Variants in TMEFF2 observed in about 807,000 individuals in gnomAD.
TMEFF2 encodes tomoregulin-2.
Under a neutral mutation model 53.8 loss-of-function variants are expected in TMEFF2, and 28 were observed. That is an observed-to-expected ratio of 0.52 (90% CI 0.39 to 0.71). The LOEUF (loss-of-function observed/expected upper bound fraction) is 0.71. Among genes scored for constraint, TMEFF2 ranks in the 30% least tolerant of loss-of-function variants. The probability of loss-of-function intolerance (pLI) is 0.00; values close to 1 mark genes in which losing one functional copy is unlikely to be tolerated. For missense variants in TMEFF2, 353 were observed against 455.2 expected (o/e 0.78, Z 2.04); for synonymous variants, 162 against 166.3 (o/e 0.97, Z 0.20).
intron 5 of TMEFF2, among the ~76,000 whole-genome samples, chr2:192,051,534 C>G (rs1687772851): frequency 6.6e-6 from 1 of 152,134 alleles, no homozygotes; most frequent in Admixed American, 6.5e-5. Context: ...AATAAAACCA[C>G]TTTCTGTATT....
At chr2:192,193,257 C>G (rs940374019) in intron 1 of TMEFF2, among the ~76,000 whole-genome samples, 1 of 152,168 alleles carries the variant, frequency 6.6e-6, no homozygotes, top group East Asian at 1.9e-4. Context: ...AAAACTAGAA[C>G]AGACCACACC....
At position 192,071,673 on chromosome 2, in the gene TMEFF2, C is replaced by A. The variant is rs562751764; in HGVS notation, c.440-13898G>T. Among the ~76,000 whole-genome samples the A allele has an allele frequency of 1.1e-3, 173 of 151,934 alleles. 1 individual carries two copies. The highest frequency in any genetic ancestry group is 7.3e-3 in the Admixed American group (111 of 15,212). ...GTAATTGCATATAACCTATGCACAT[C>A]CTCTCATCTACTTTAAATCATCTCT... is the stretch of plus-strand genomic sequence containing the variant. On this transcript the variant is annotated intron_variant, in intron 4 of 9. Coordinates refer to ENST00000272771, the MANE Select transcript of TMEFF2 (RefSeq NM_016192.4).
chr2:192,107,699 G>A (rs7584539), intron 4 of TMEFF2, among the ~76,000 whole-genome samples: 95,104 of 151,464 alleles, frequency 0.63, 35,015 homozygotes, highest in Non-Finnish European at 0.83. Flanking sequence ...AGACACTGAA[G>A]TCTTTGTTAG....
intron 4 of TMEFF2, among the ~76,000 whole-genome samples, chr2:192,148,262 T>C (rs1690301276): frequency 2.0e-5 from 3 of 152,058 alleles, no homozygotes; most frequent in Admixed American, 2.0e-4. Context: ...GTGTTGTTTG[T>C]TCAAATATAA....
chr2:192,125,915 A>T (rs1689666346), intron 4 of TMEFF2, among the ~76,000 whole-genome samples: 1 of 152,210 alleles, frequency 6.6e-6, no homozygotes, highest in Non-Finnish European at 1.5e-5. Context: ...ATAGCTAATG[A>T]TGCTGGGCTT....
intron 5 of TMEFF2, among the ~76,000 whole-genome samples, chr2:192,039,557 A>T (rs1687422853): frequency 6.6e-6 from 1 of 152,226 alleles, no homozygotes; most frequent in Admixed American, 6.5e-5. Context: ...GTAAAATAAA[A>T]TATTTACAGA....
chr2:192,100,591 AAAAC>A (rs1198483046), intron 4 of TMEFF2, among the ~76,000 whole-genome samples: 1 of 152,174 alleles, frequency 6.6e-6, no homozygotes, highest in Non-Finnish European at 1.5e-5. Context: ...TTAAATGCTA[AAAAC>A]AAACAAACCA....
intron 4 of TMEFF2, among the ~76,000 whole-genome samples, chr2:192,072,942 T>A (rs1408453199): frequency 6.6e-6 from 1 of 151,996 alleles, no homozygotes; most frequent in East Asian, 1.9e-4. Context: ...CCTGAGTTGC[T>A]AAATTCCATG....
At chr2:192,070,353 G>A (rs1332577768) in intron 4 of TMEFF2, among the ~76,000 whole-genome samples, 2 of 151,656 alleles carry the variant, frequency 1.3e-5, no homozygotes, top group Non-Finnish European at 2.9e-5. Context: ...GGGCTTCACT[G>A]CTGTTCATAT....
chr2:192,024,565 C>T (rs1686925837), intron 5 of TMEFF2, among the ~76,000 whole-genome samples: 1 of 152,116 alleles, frequency 6.6e-6, no homozygotes, highest in East Asian at 1.9e-4. Flanking sequence ...TTTAAGTGTG[C>T]ATAGCAGGCA....
chr2:192,017,062 T>C (rs1250991934), intron 5 of TMEFF2, among the ~76,000 whole-genome samples: 1 of 152,158 alleles, frequency 6.6e-6, no homozygotes, highest in South Asian at 2.1e-4. Context: ...TAGGACTTGG[T>C]CGGGCACAGA....
intron 7 of TMEFF2, among the ~76,000 whole-genome samples, chr2:191,982,431 T>C (rs1487017823): frequency 6.6e-6 from 1 of 150,658 alleles, no homozygotes; most frequent in Non-Finnish European, 1.5e-5. Context: ...TTTTCCCATC[T>C]ACATGGAAAT....
intron 4 of TMEFF2, among the ~76,000 whole-genome samples, chr2:192,158,054 C>T (rs905740053): frequency 6.6e-6 from 1 of 152,074 alleles, no homozygotes; most frequent in African/African-American, 2.4e-5. Flanking sequence ...CTCCCTGGCA[C>T]AGTATGAGTA....
At chr2:192,105,179 C>T (rs552405128) in intron 4 of TMEFF2, among the ~76,000 whole-genome samples, 1 of 151,768 alleles carries the variant, frequency 6.6e-6, no homozygotes, top group African/African-American at 2.4e-5. Flanking sequence ...GTGTTTTTTC[C>T]CCAAATTATT....
intron 4 of TMEFF2, 49 bp from the exon 5 acceptor site, chr2:192,057,824 A>G: frequency 7.1e-7 from 1 of 1,405,314 alleles, no homozygotes; most frequent in Non-Finnish European, 1.0e-6. Context: ...TGTGCATTAT[A>G]TCTACAACTC....
At chr2:192,176,908 A>T (rs1397889852) in intron 4 of TMEFF2, 1 of 151,204 alleles carries the variant, frequency 6.6e-6, no homozygotes, top group African/African-American at 2.4e-5. Flanking sequence ...GATATCATTT[A>T]TGATAGTCAC....
chr2:192,006,366 C>G (rs1371469750), intron 5 of TMEFF2, among the ~76,000 whole-genome samples: 1 of 152,084 alleles, frequency 6.6e-6, no homozygotes, highest in African/African-American at 2.4e-5. Context: ...AAACTCTTGC[C>G]CTGGGTGGTC....
At chr2:191,995,669 T>C (rs759140167) in intron 7 of TMEFF2, among the ~76,000 whole-genome samples, 2 of 152,044 alleles carry the variant, frequency 1.3e-5, no homozygotes, top group Non-Finnish European at 2.9e-5. Flanking sequence ...TTGAGGAACA[T>C]GACTATTACT....
At chr2:192,058,430 T>TA (rs1301065143) in intron 4 of TMEFF2, among the ~76,000 whole-genome samples, 3 of 152,116 alleles carry the variant, frequency 2.0e-5, no homozygotes, top group African/African-American at 7.2e-5. Context: ...TATTTTATTT[T>TA]AAAAAAATAC....
Sources: allele counts gnomAD v4.1 joint callset (sites outside exome capture counted in the v4.1 genomes callset), GRCh38; gene constraint gnomAD v4.1.1; transcripts MANE v1.5; gene names NCBI Gene and HGNC (gene_info 2026-07-23, HGNC 2026-07-21).